The following TOP6BL variants were observed in gnomAD, a reference collection of about 807,000 sequenced individuals.
TOP6BL encodes TOP6B like initiator of meiotic double strand breaks, also known as type 2 DNA topoisomerase 6 subunit B-like.
the TOP6BL span, among the ~76,000 whole-genome samples, chr11:66,779,713 G>A: frequency 6.6e-6 from 1 of 152,144 alleles, no homozygotes; most frequent in Non-Finnish European, 1.5e-5. Context: ...ACACGCACAT[G>A]TATGTTTACT....
the TOP6BL span, chr11:66,761,693 G>T: frequency 4.5e-6 from 4 of 894,456 alleles, no homozygotes; most frequent in Admixed American, 7.6e-5. Flanking sequence ...CCCTTGGTCC[G>T]CAAGGAAATC....
the TOP6BL span, among the ~76,000 whole-genome samples, chr11:66,756,032 A>G: frequency 6.6e-6 from 1 of 152,218 alleles, no homozygotes; most frequent in South Asian, 2.1e-4. Context: ...TCAACCCACA[A>G]CAGACTAGCA....
At chr11:66,761,810 G>A in the TOP6BL span, 2 of 821,870 alleles carry the variant, frequency 2.4e-6, no homozygotes, top group East Asian at 5.0e-5. Flanking sequence ...TTCCCTGATA[G>A]AGAAGATGTC....
the TOP6BL span, among the ~76,000 whole-genome samples, chr11:66,781,343 T>C: frequency 2.5e-3 from 377 of 152,338 alleles, 2 homozygotes; most frequent in African/African-American, 8.8e-3. Flanking sequence ...ATTAAACCTA[T>C]CAAGTGAATT....
At chr11:66,836,552 A>G in the TOP6BL span, among the ~76,000 whole-genome samples, 1 of 147,394 alleles carries the variant, frequency 6.8e-6, no homozygotes, top group Non-Finnish European at 1.5e-5. Context: ...TTATTGAGTT[A>G]TGAGAGTTCT....
At chr11:66,803,911 G>T in the TOP6BL span, 1 of 1,168,302 alleles carries the variant, frequency 8.6e-7, no homozygotes, top group Non-Finnish European at 1.2e-6. Flanking sequence ...TATGCTAGAG[G>T]TTACAAAAAT....
At chr11:66,808,332 C>T in the TOP6BL span, among the ~76,000 whole-genome samples, 4 of 152,052 alleles carry the variant, frequency 2.6e-5, no homozygotes, top group Admixed American at 1.3e-4. Flanking sequence ...CCTGCAAGTT[C>T]GAGATCAGCC....
chr11:66,840,460 ACCTTCAG>A, the TOP6BL span, among the ~76,000 whole-genome samples: 1 of 152,138 alleles, frequency 6.6e-6, no homozygotes, highest in South Asian at 2.1e-4. Flanking sequence ...TCACTGCTGC[ACCTTCAG>A]CCTTCCCCTG....
chr11:66,839,260 C>A, the TOP6BL span: 1 of 454,188 alleles, frequency 2.2e-6, no homozygotes, highest in Admixed American at 2.4e-5. Context: ...TCAAAACTAT[C>A]CTAGGAGCTA....
the TOP6BL span, among the ~76,000 whole-genome samples, chr11:66,787,614 G>A: frequency 2.6e-5 from 4 of 151,280 alleles, no homozygotes; most frequent in African/African-American, 7.3e-5. Context: ...CAGCTACTTG[G>A]GTGGCTGAGG....
chr11:66,811,435 G>C, the TOP6BL span, among the ~76,000 whole-genome samples: 2 of 152,084 alleles, frequency 1.3e-5, no homozygotes, highest in Non-Finnish European at 2.9e-5. Flanking sequence ...CAAGTGATCC[G>C]CCTGCCTTGG....
the TOP6BL span, chr11:66,803,879 T>C: frequency 1.6e-5 from 11 of 698,244 alleles, no homozygotes; most frequent in Admixed American, 2.8e-5. Flanking sequence ...AAAACTGATA[T>C]GGCAGGTTGT....
chr11:66,831,607 T>C, the TOP6BL span, among the ~76,000 whole-genome samples: 1 of 152,150 alleles, frequency 6.6e-6, no homozygotes, highest in African/African-American at 2.4e-5. Flanking sequence ...GTTGGAATGA[T>C]TATAAAGGGC....
At chr11:66,837,283 C>G in the TOP6BL span, among the ~76,000 whole-genome samples, 2 of 151,830 alleles carry the variant, frequency 1.3e-5, no homozygotes, top group Admixed American at 1.3e-4. Context: ...CCTGCCACCA[C>G]GCCTGGCTAA....
the TOP6BL span, chr11:66,842,691 C>T: frequency 2.8e-6 from 2 of 701,826 alleles, no homozygotes; most frequent in Non-Finnish European, 4.6e-6. Context: ...GCTCCAGAAG[C>T]GCCCACAGCT....
At chr11:66,794,612 C>G in the TOP6BL span, among the ~76,000 whole-genome samples, 1 of 152,000 alleles carries the variant, frequency 6.6e-6, no homozygotes, top group African/African-American at 2.4e-5. Flanking sequence ...AAATAAGATA[C>G]CTTAGCACCA....
chr11:66,784,961 T>A, the TOP6BL span, among the ~76,000 whole-genome samples: 1 of 141,602 alleles, frequency 7.1e-6, no homozygotes, highest in South Asian at 2.3e-4. Flanking sequence ...GATTTCTTTT[T>A]TTTTTTTTTT....
At chr11:66,773,615 A>G in the TOP6BL span, among the ~76,000 whole-genome samples, 3 of 151,850 alleles carry the variant, frequency 2.0e-5, no homozygotes, top group African/African-American at 4.8e-5. Context: ...CTGATCTTTT[A>G]TTCTTTCTTT....
chr11:66,791,750 A>G, the TOP6BL span, among the ~76,000 whole-genome samples: 13 of 152,066 alleles, frequency 8.5e-5, no homozygotes, highest in East Asian at 9.6e-4. Flanking sequence ...AGGCTGGGGT[A>G]CTGGGTCTCT....
Sources: allele counts gnomAD v4.1 joint callset (sites outside exome capture counted in the v4.1 genomes callset), GRCh38; gene constraint gnomAD v4.1.1; transcripts MANE v1.5; gene names NCBI Gene and HGNC (gene_info 2026-07-23, HGNC 2026-07-21).